The following KDELR2 variants were observed in gnomAD, a reference collection of about 807,000 sequenced individuals.
The protein encoded by KDELR2 is KDEL endoplasmic reticulum protein retention receptor 2, also known as ER lumen protein-retaining receptor 2.
KDELR2 carries 15 observed loss-of-function variants against 23.9 expected under a neutral mutation model. That is an observed-to-expected ratio of 0.63 (90% confidence interval 0.42 to 0.97). The LOEUF (loss-of-function observed/expected upper bound fraction) is 0.97. Ranked by LOEUF, KDELR2 falls within the 50% of genes least tolerant of loss-of-function variation. The pLI, the probability that KDELR2 is intolerant of heterozygous loss-of-function variation, is 0.00. For missense variants in KDELR2, 272 were observed against 254.6 expected (o/e 1.07, Z -0.46); for synonymous variants, 119 against 106.2 (o/e 1.12, Z -0.74).
intron 2 of KDELR2, among the ~76,000 whole-genome samples, chr7:6,473,408 C>T (rs192277450): frequency 1.3e-5 from 2 of 152,302 alleles, no homozygotes; most frequent in East Asian, 3.9e-4. Context: ...GAATTCAACA[C>T]TGTGCGAAAG....
intron 1 of KDELR2, among the ~76,000 whole-genome samples, chr7:6,479,457 G>A (rs543537157): frequency 6.6e-6 from 1 of 152,112 alleles, no homozygotes; most frequent in East Asian, 1.9e-4. Flanking sequence ...GACCGGCCAA[G>A]AACAAAAACT....
In KDELR2 at chr7:6,466,167, A is replaced by C. The variant is rs148341129; in HGVS notation, c.508T>G (p.Phe170Val). 6.8e-6 allele frequency: 11 copies of C among 1,614,082 alleles called. No homozygotes were observed. In the African/African-American group the frequency reaches 1.2e-4, roughly 18 times the overall value. The change falls in exon 4 of 5, where the codon TTC becomes GTC. Residue 170 changes from phenylalanine (F) to valine (V), a missense_variant. Physicochemically the swap from Phe to Val is conservative, Grantham distance 50. Coordinates refer to ENST00000258739, the MANE Select transcript of KDELR2 (RefSeq NM_006854.4). Reference sequence around the variant, plus strand: ...AGGTCAAAGAAGCCCTCAAAGTAGAAGCGCCAGATCCAGTTGACAAGATAC... The same window carrying C: ...AGGTCAAAGAAGCCCTCAAAGTAGACGCGCCAGATCCAGTTGACAAGATAC... ...ALYLVNWIWRFYFEGFFDLIA... is the reference protein window; with the variant it reads ...ALYLVNWIWRVYFEGFFDLIA...
At chr7:6,478,656 G>A (rs1785810359) in intron 1 of KDELR2, among the ~76,000 whole-genome samples, 1 of 152,036 alleles carries the variant, frequency 6.6e-6, no homozygotes, top group Admixed American at 6.6e-5. Context: ...ATACTATTCT[G>A]AATTAAGAAA....
At chr7:6,471,175 GGTTTT>G (rs1785628707) in intron 2 of KDELR2, among the ~76,000 whole-genome samples, 1 of 117,130 alleles carries the variant, frequency 8.5e-6, no homozygotes. Context: ...CATTTGTTTC[GGTTTT>G]TTTTTTTTTT....
At chr7:6,467,365 G>C (rs1463672665) in intron 3 of KDELR2, among the ~76,000 whole-genome samples, 2 of 152,110 alleles carry the variant, frequency 1.3e-5, no homozygotes, top group Non-Finnish European at 2.9e-5. Context: ...TAAATCAAAG[G>C]GGTAGAAGTC....
chr7:6,469,864 C>T, intron 2 of KDELR2, 110 bp from the exon 3 acceptor site: 1 of 972,990 alleles, frequency 1.0e-6, no homozygotes, highest in South Asian at 2.0e-5. Flanking sequence ...TTTTCCTTAG[C>T]TTTGTTTTTG....
chr7:6,474,363 A>C (rs965447035), intron 1 of KDELR2, 79 bp from the exon 2 acceptor site: 1 of 975,192 alleles, frequency 1.0e-6, no homozygotes, highest in Non-Finnish European at 1.7e-6. Flanking sequence ...CAGGGAGTGC[A>C]GACAGGGAAG....
chr7:6,466,617 T>C (rs1785510006), intron 3 of KDELR2, among the ~76,000 whole-genome samples: 1 of 152,054 alleles, frequency 6.6e-6, no homozygotes, highest in East Asian at 1.9e-4. Context: ...GTTATTACTA[T>C]AATATACAAT....
intron 1 of KDELR2, among the ~76,000 whole-genome samples, chr7:6,480,046 T>C: frequency 6.6e-6 from 1 of 152,142 alleles, no homozygotes; most frequent in African/African-American, 2.4e-5. Context: ...TGGGGTTTGG[T>C]AGGATGAAAA....
chr7:6,472,293 G>A (rs1158806446), intron 2 of KDELR2, among the ~76,000 whole-genome samples: 4 of 152,292 alleles, frequency 2.6e-5, no homozygotes, highest in South Asian at 2.1e-4. Context: ...CTTGATGGGC[G>A]TTATTTCCAC....
In KDELR2 at chr7:6,463,068, C is replaced by G. The variant is rs1318063061; in HGVS notation, c.*73G>C. Reference sequence around the variant, plus strand: ...GTTTCTGATTTTCCGTATCAAGCATCTTATGCCTTTGCTGTGGTAAGAATT... The same window carrying G: ...GTTTCTGATTTTCCGTATCAAGCATGTTATGCCTTTGCTGTGGTAAGAATT... On this transcript the variant is annotated 3_prime_UTR_variant, in exon 5 of 5. Transcript: ENST00000258739. The G allele has an allele frequency of 1.2e-6, 2 of 1,614,182 alleles. No homozygotes were observed. Among genetic ancestry groups the G allele is most frequent in the South Asian group, 1.1e-5 (1 of 91,086 alleles).
chr7:6,471,168 T>G (rs1199002415), intron 2 of KDELR2, among the ~76,000 whole-genome samples: 1 of 142,638 alleles, frequency 7.0e-6, no homozygotes, highest in African/African-American at 2.5e-5. Context: ...TAGCTCACAT[T>G]TGTTTCGGTT....
At chr7:6,471,473 C>T (rs550849365) in intron 2 of KDELR2, among the ~76,000 whole-genome samples, 2 of 152,112 alleles carry the variant, frequency 1.3e-5, no homozygotes, top group Non-Finnish European at 2.9e-5. Context: ...AGCCACAGCA[C>T]CCGGCCTGTT....
chr7:6,483,005 CAA>C (rs34123172), intron 1 of KDELR2, among the ~76,000 whole-genome samples: 7 of 136,082 alleles, frequency 5.1e-5, no homozygotes, highest in Admixed American at 1.5e-4. Flanking sequence ...ACCCTGCCTC[CAA>C]AAAAAAAAAA....
Position 6,472,478 on chromosome 7 carries a change from G to A in KDELR2, c.192+1706C>T, listed in dbSNP as rs572492474. Among the ~76,000 whole-genome samples, 10 of 152,276 alleles carry A rather than the reference G, an allele frequency of 6.6e-5. No homozygotes were observed. The South Asian group carries it at 1.9e-3, about 28-fold the overall frequency. ...TCCTCTGAAACCTGGGCATCCTGAGGGGGAGAGAGGATTCTTGCTCACACA... is the reference window on the plus strand; with the variant it reads ...TCCTCTGAAACCTGGGCATCCTGAGAGGGAGAGAGGATTCTTGCTCACACA... On this transcript the variant is annotated intron_variant, in intron 2 of 4. Coordinates refer to ENST00000258739, the MANE Select transcript of KDELR2 (RefSeq NM_006854.4).
intron 3 of KDELR2, among the ~76,000 whole-genome samples, chr7:6,467,413 A>G (rs945963088): frequency 2.6e-5 from 4 of 152,172 alleles, no homozygotes; most frequent in African/African-American, 9.7e-5. Flanking sequence ...CCAGCGTATG[A>G]CTTTATTCAC....
intron 1 of KDELR2, among the ~76,000 whole-genome samples, chr7:6,481,044 CT>C (rs749856910): frequency 6.6e-6 from 1 of 152,098 alleles, no homozygotes; most frequent in South Asian, 2.1e-4. Flanking sequence ...TCCTTATATG[CT>C]CCTGAATCTC....
intron 2 of KDELR2, 77 bp from the exon 3 acceptor site, chr7:6,469,831 A>C: frequency 1.6e-6 from 2 of 1,274,526 alleles, no homozygotes; most frequent in Middle Eastern, 2.3e-4. Flanking sequence ...TTAATCACCC[A>C]TGTATTTGGA....
At chr7:6,463,287 G>C in intron 4 of KDELR2, 112 bp from the exon 5 acceptor site, 1 of 786,410 alleles carries the variant, frequency 1.3e-6, no homozygotes, top group South Asian at 1.8e-5. Context: ...ACATAGTAAG[G>C]TATAGGAAAT....
Sources: allele counts gnomAD v4.1 joint callset (sites outside exome capture counted in the v4.1 genomes callset), GRCh38; gene constraint gnomAD v4.1.1; transcripts MANE v1.5; gene names NCBI Gene and HGNC (gene_info 2026-07-23, HGNC 2026-07-21).